TTC1: variants seen among roughly 807,000 people sequenced by gnomAD.
The protein encoded by TTC1 is tetratricopeptide repeat protein 1.
A neutral mutation model predicts 37.6 loss-of-function variants in TTC1; 31 were observed. The observed-to-expected ratio is 0.82, with a 90% CI of 0.62 to 1.11. TTC1 has a LOEUF of 1.11. TTC1 is among the 50% of genes most tolerant of loss of function. The pLI is 0.00. For missense variants in TTC1, 351 were observed against 339.0 expected (o/e 1.04, Z -0.28); for synonymous variants, 127 against 122.4 (o/e 1.04, Z -0.25).
At chr5:160,033,870 C>G (rs1459315518) in intron 2 of TTC1, among the ~76,000 whole-genome samples, 2 of 152,202 alleles carry the variant, frequency 1.3e-5, no homozygotes, top group East Asian at 3.9e-4. Context: ...AAATACCCTG[C>G]TAACTGTATT....
Position 160,065,243 on chromosome 5 carries a change from G to A in TTC1, c.*178G>A, listed in dbSNP as rs1467404795. 2 of 898,776 alleles carry A rather than the reference G, an allele frequency of 2.2e-6. No homozygotes were observed. Among genetic ancestry groups the A allele is most frequent in the Non-Finnish European group, 3.5e-6 (2 of 567,576 alleles). The allele number at this position is 898,776 out of a possible 1,614,324, so 55.7% of individuals were successfully genotyped here. A position where few individuals can be genotyped will look rare whatever the true frequency, so the allele number is the denominator to read the frequency against. Reference sequence around the variant, plus strand: ...ATGATCAGGGTGAAATGTACTTCCTGATGTAATGAACCTAATTTGATTTCC... The same window carrying A: ...ATGATCAGGGTGAAATGTACTTCCTAATGTAATGAACCTAATTTGATTTCC... On this transcript the variant is annotated 3_prime_UTR_variant, in exon 8 of 8. Transcript: ENST00000231238.
intron 2 of TTC1, among the ~76,000 whole-genome samples, chr5:160,020,176 G>A (rs1009615985): frequency 7.2e-5 from 11 of 152,148 alleles, no homozygotes; most frequent in Middle Eastern, 6.8e-3. Context: ...TGATCCGCCC[G>A]CCCCAGCCTC....
At chr5:160,030,450 A>G (rs145516413) in intron 2 of TTC1, among the ~76,000 whole-genome samples, 1 of 152,344 alleles carries the variant, frequency 6.6e-6, no homozygotes, top group East Asian at 1.9e-4. Flanking sequence ...AAAATGAGTC[A>G]AGACCTCCAT....
At position 160,063,826 on chromosome 5, in the gene TTC1, G is replaced by A. The variant is rs147695931; in HGVS notation, c.746-1106G>A. Among the ~76,000 whole-genome samples, 336 of 152,144 alleles carry A rather than the reference G, an allele frequency of 2.2e-3. 2 individuals are homozygous for A. Among genetic ancestry groups the A allele is most frequent in the African/African-American group, 7.6e-3 (314 of 41,506 alleles). Reference sequence around the variant, plus strand: ...TTTGTTTTTAAAAAAAAAATTTGTAGAGATAGAGTCTCACTGCGTTGCTCG... The same window carrying A: ...TTTGTTTTTAAAAAAAAAATTTGTAAAGATAGAGTCTCACTGCGTTGCTCG... On this transcript the variant is annotated intron_variant, in intron 7 of 7. Coordinates refer to ENST00000231238, the MANE Select transcript of TTC1 (RefSeq NM_003314.3).
intron 2 of TTC1, among the ~76,000 whole-genome samples, chr5:160,020,989 C>T (rs753248279): frequency 4.6e-5 from 7 of 152,182 alleles, no homozygotes; most frequent in Non-Finnish European, 1.0e-4. Flanking sequence ...GACCGCTGCT[C>T]TAAAACATTT....
chr5:160,030,341 T>C (rs2113362651), intron 2 of TTC1, among the ~76,000 whole-genome samples: 1 of 152,336 alleles, frequency 6.6e-6, no homozygotes, highest in East Asian at 1.9e-4. Flanking sequence ...TCAGACTGTC[T>C]AGCAGAGAGG....
At chr5:160,019,121 T>A (rs1334552135) in intron 2 of TTC1, among the ~76,000 whole-genome samples, 1 of 152,236 alleles carries the variant, frequency 6.6e-6, no homozygotes, top group Non-Finnish European at 1.5e-5. Context: ...GTTTGCTCCC[T>A]TTCACTAGTG....
At chr5:160,056,731 A>T (rs1757556638) in intron 7 of TTC1, among the ~76,000 whole-genome samples, 1 of 151,512 alleles carries the variant, frequency 6.6e-6, no homozygotes, top group East Asian at 1.9e-4. Context: ...TCAAAAGCAA[A>T]ATATATATAT....
chr5:160,055,958 G>C (rs1469070465), intron 7 of TTC1, among the ~76,000 whole-genome samples: 2 of 152,230 alleles, frequency 1.3e-5, no homozygotes. Context: ...GAGGAATAGA[G>C]TCAGTTACAT....
At chr5:160,050,954 C>T (rs557925201) in intron 6 of TTC1, among the ~76,000 whole-genome samples, 175 bp from the exon 7 acceptor site, 4 of 146,304 alleles carry the variant, frequency 2.7e-5, no homozygotes, top group African/African-American at 1.0e-4. Flanking sequence ...TTATGTAGCG[C>T]ACCACAAACA....
At chr5:160,050,966 A>G (rs1757386471) in intron 6 of TTC1, among the ~76,000 whole-genome samples, 163 bp from the exon 7 acceptor site, 1 of 123,314 alleles carries the variant, frequency 8.1e-6, no homozygotes, top group Admixed American at 8.3e-5. Context: ...CCACAAACAT[A>G]AATACTTGGG....
rs1448265095 is a variant in TTC1 at position 160,057,037 on chromosome 5, G to A, written c.745+5854G>A. ...TGCCTGATATCTGTCATTACAGACT[G>A]TACACTTGCAGGATTTTGCACTCTG... On this transcript the variant is annotated intron_variant, in intron 7 of 7. Transcript: ENST00000231238. This position sits in a 1 kb window ranked among gnomAD's most constrained non-coding sequence, Gnocchi z 4.4. 6.6e-6 allele frequency among the ~76,000 whole-genome samples: 1 copy of A among 151,710 alleles called. No individual in the cohort carries two copies. Among genetic ancestry groups the A allele is most frequent in the Non-Finnish European group, 1.5e-5 (1 of 67,952 alleles).
At chr5:160,025,388 T>C (rs778853247) in intron 2 of TTC1, among the ~76,000 whole-genome samples, 1 of 151,608 alleles carries the variant, frequency 6.6e-6, no homozygotes, top group Non-Finnish European at 1.5e-5. Context: ...TCTCAAACTC[T>C]TGAGCTCAAG....
intron 5 of TTC1, among the ~76,000 whole-genome samples, chr5:160,048,834 C>A (rs1165295980): frequency 2.0e-5 from 3 of 152,108 alleles, no homozygotes; most frequent in Non-Finnish European, 4.4e-5. Flanking sequence ...GCCTGTAATC[C>A]CAGCTACGTG....
rs1403521997 is a variant in TTC1 at position 160,043,123 on chromosome 5, T to C, written c.505-10T>C. 1.2e-6 allele frequency: 2 copies of C among 1,613,304 alleles called. No individual in the cohort carries two copies. The highest frequency in any genetic ancestry group is 1.7e-6 in the Non-Finnish European group (2 of 1,179,654). On this transcript the variant is annotated splice_polypyrimidine_tract_variant and intron_variant, in intron 4 of 7. Transcript: ENST00000231238. ...AGGGCAACACATATTAATACTGTTT[T>C]TCTTTTTAGGACAAGAAAGAAATGG...
Position 160,009,168 on chromosome 5 carries a change from G to A in TTC1, c.-55G>A, listed in dbSNP as rs1156505242. 1 of 152,256 alleles carries A rather than the reference G, an allele frequency of 6.6e-6. No homozygotes were observed. The allele number at this position is 152,256 out of a possible 1,614,324, so 9.4% of individuals were successfully genotyped here. A position where few individuals can be genotyped will look rare whatever the true frequency, so the allele number is the denominator to read the frequency against. ...GTAGGAGCTCTCAGAGGCTAAGAAG[G>A]TGGAGACCGGAGAAGCTGTGAGGTT... On this transcript the variant is annotated 5_prime_UTR_variant, in exon 1 of 8. The change creates a new upstream start codon in the 5' untranslated region. Transcript: ENST00000231238.
At chr5:160,037,312 A>G (rs1254610730) in intron 4 of TTC1, among the ~76,000 whole-genome samples, 3 of 152,250 alleles carry the variant, frequency 2.0e-5, no homozygotes, top group Non-Finnish European at 4.4e-5. Flanking sequence ...GGTGTCAAGG[A>G]ACTTTGAAAA....
intron 7 of TTC1, among the ~76,000 whole-genome samples, chr5:160,058,601 CAG>C (rs369732753): frequency 3.3e-5 from 5 of 151,858 alleles, no homozygotes; most frequent in African/African-American, 1.2e-4. Context: ...TTAGTAGAGA[CAG>C]GGTTTCACCG....
At chr5:160,015,972 C>T (rs976669187) in intron 2 of TTC1, among the ~76,000 whole-genome samples, 2 of 152,238 alleles carry the variant, frequency 1.3e-5, no homozygotes, top group African/African-American at 4.8e-5. Context: ...AAAACACTCT[C>T]ATCTGGTGTC....
Sources: gnomAD v4.1 joint callset for allele counts (sites outside exome capture counted in the v4.1 genomes callset) on GRCh38, gnomAD v4.1.1 for gene constraint, Gnocchi (gnomAD v3.1) non-coding constraint, MANE v1.5 for transcripts, NCBI Gene and HGNC (gene_info 2026-07-23, HGNC 2026-07-21) for gene names.